The following CASQ1 variants were observed in gnomAD, a reference collection of about 807,000 sequenced individuals.
CASQ1 encodes the protein calsequestrin 1, also known as calsequestrin-1.
A neutral mutation model predicts 49.5 loss-of-function variants in CASQ1; 40 were observed. That is an observed-to-expected ratio of 0.81 (90% CI 0.63 to 1.05). The LOEUF (loss-of-function observed/expected upper bound fraction) is 1.05. Among genes scored for constraint, CASQ1 ranks in the 50% least tolerant of loss-of-function variants. CASQ1 has a pLI of 0.00. For missense variants in CASQ1, 469 were observed against 486.9 expected (o/e 0.96, Z 0.35); for synonymous variants, 174 against 187.2 (o/e 0.93, Z 0.58).
At chr1:160,194,591 A>C (rs1432285110) in intron 3 of CASQ1, among the ~76,000 whole-genome samples, 2 of 143,748 alleles carry the variant, frequency 1.4e-5, no homozygotes, top group Non-Finnish European at 3.0e-5. Flanking sequence ...TGCACACACT[A>C]CACACATGCA....
rs774572165 is a variant in CASQ1 at position 160,197,614 on chromosome 1, G to C, written c.828G>C (p.Trp276Cys). ...KLKPESMYETWEDDMDGIHIV... is the reference protein window; with the variant it reads ...KLKPESMYETCEDDMDGIHIV... ...AGCCGGAGAGTATGTATGAGACCTG[G>C]GTGAGTGCCCCTGGCCAGGGTCAAG... Residue 276 changes from tryptophan (W) to cysteine (C), a missense_variant and splice_region_variant, in exon 7 of 11, where the codon TGG becomes TGC. By Grantham distance (215) the Trp-to-Cys change is radical. Coordinates refer to ENST00000368078, the MANE Select transcript of CASQ1 (RefSeq NM_001231.5). The C allele has an allele frequency of 1.2e-6, 2 of 1,607,850 alleles. No homozygotes were observed. The highest frequency in any genetic ancestry group is 4.5e-5 in the East Asian group (2 of 44,854).
chr1:160,191,059 A>C, intron 1 of CASQ1, 29 bp downstream of exon 1: 1 of 1,607,172 alleles, frequency 6.2e-7, no homozygotes, highest in Non-Finnish European at 8.5e-7. Context: ...AGGCCTGCAG[A>C]GCATGTCTAG....
chr1:160,191,166 C>G (rs1318908654), intron 1 of CASQ1, 136 bp downstream of exon 1: 1 of 871,926 alleles, frequency 1.1e-6, no homozygotes, highest in East Asian at 2.7e-5. Flanking sequence ...TCCTGACCAA[C>G]AGGATGCAAG....
Position 160,199,894 on chromosome 1 carries a change from C to A in CASQ1, c.1028C>A (p.Ala343Asp), listed in dbSNP as rs1457071178. ...WEKTFDIDLS[A>D]PQIGVVNVTD... is the part of the protein sequence containing the mutation. ...AAGACGTTTGACATCGACTTGTCAG[C>A]CCCACAAATAGGAGTCGTCAATGTT... The change falls in exon 10 of 11, where the codon GCC becomes GAC. Residue 343 changes from alanine to aspartate, a missense_variant. Coordinates refer to ENST00000368078, the MANE Select transcript of CASQ1 (RefSeq NM_001231.5). 2 of 1,613,386 alleles carry A rather than the reference C, an allele frequency of 1.2e-6. No homozygotes were observed. The highest frequency in any genetic ancestry group is 4.5e-5 in the East Asian group (2 of 44,896).
rs897872933 is a variant in CASQ1 at position 160,197,573 on chromosome 1, A to G, written c.787A>G (p.Thr263Ala). 13 of 1,610,946 alleles carry G rather than the reference A, an allele frequency of 8.1e-6. No individual in the cohort carries two copies. The African/African-American group carries it at 9.4e-5, about 12-fold the overall frequency. Residue 263 changes from threonine to alanine, a missense_variant, in exon 7 of 11, where the codon ACC becomes GCC. Thr to Ala is a moderately conservative substitution (Grantham distance 58). Transcript: ENST00000368078. ...CACTCTGTCTGTCTCTTCTAGATCAACCCTGAGGAAACTGAAGCCGGAGAG... is the reference window on the plus strand; with the variant it reads ...CACTCTGTCTGTCTCTTCTAGATCAGCCCTGAGGAAACTGAAGCCGGAGAG... Reference protein sequence around the residue: ...VNFVEEHRRSTLRKLKPESMY... With the variant: ...VNFVEEHRRSALRKLKPESMY...
chr1:160,193,808 C>T lies in CASQ1; in HGVS notation c.426C>T (p.Gly142=), dbSNP rs778166976. 8.1e-6 allele frequency: 13 copies of T among 1,612,748 alleles called. No homozygotes were observed. The highest frequency in any genetic ancestry group is 2.2e-5 in the East Asian group (1 of 44,866). Residue 142 remains glycine, a synonymous_variant, in exon 3 of 11, where the codon GGC becomes GGT. Transcript: ENST00000368078. ...FKGDEVIEYD[G]EFSADTIVEF... ...GAGATGAAGTCATTGAGTACGATGG[C>T]GAGTTTTCTGCTGACACCATCGTGG...
chr1:160,195,155 C>A, intron 4 of CASQ1, 32 bp downstream of exon 4: 1 of 1,359,744 alleles, frequency 7.4e-7, no homozygotes, highest in Non-Finnish European at 1.0e-6. Context: ...CTGTGCCCCT[C>A]TCTGGATCCC....
At position 160,190,662 on chromosome 1, in the gene CASQ1, C is replaced by T; in HGVS notation, c.-90C>T. The T allele has an allele frequency of 7.9e-7, 1 of 1,273,254 alleles. No individual in the cohort carries two copies. Among genetic ancestry groups the T allele is most frequent in the Non-Finnish European group, 1.1e-6 (1 of 915,690 alleles). 78.9% of individuals were successfully genotyped at this position (1,273,254 alleles called of 1,614,324 possible). ...CCCAATCCCCCCTCCCACTTGAGCC[C>T]CTAACTCAGAATCTGGGACCCAGGG... On this transcript the variant is annotated 5_prime_UTR_variant, in exon 1 of 11. Coordinates refer to ENST00000368078, the MANE Select transcript of CASQ1 (RefSeq NM_001231.5).
In CASQ1 at chr1:160,196,272, T is replaced by C. The variant is rs192163995; in HGVS notation, c.782+245T>C. ...TAAGTGTGTATAATTCAGTGTGAGG[T>C]TGATTGAGACTTAAATAATCTCTGT... is the stretch of plus-strand genomic sequence containing the variant. On this transcript the variant is annotated intron_variant, in intron 6 of 10. Coordinates refer to ENST00000368078, the MANE Select transcript of CASQ1 (RefSeq NM_001231.5). 3.8e-4 allele frequency among the ~76,000 whole-genome samples: 57 copies of C among 151,552 alleles called. No homozygotes were observed. In the South Asian group the frequency reaches 9.7e-3, roughly 26 times the overall value.
Position 160,192,785 on chromosome 1 carries a change from A to G in CASQ1, c.280-17A>G. ...AAAATTCCAGGGGCTAATTTTAATC[A>G]TAATCCTTCCCTCCAGTTAGCAGCC... is the stretch of plus-strand genomic sequence containing the variant. On this transcript the variant is annotated splice_polypyrimidine_tract_variant and intron_variant, in intron 1 of 10. Transcript: ENST00000368078. 1 of 1,611,776 alleles carries G rather than the reference A, an allele frequency of 6.2e-7. No individual in the cohort carries two copies.
intron 5 of CASQ1, among the ~76,000 whole-genome samples, 162 bp from the exon 6 acceptor site, chr1:160,195,735 C>A (rs142556486): frequency 8.9e-5 from 13 of 145,734 alleles, no homozygotes; most frequent in African/African-American, 3.3e-4. Flanking sequence ...TCATGTTAAA[C>A]CCAACCCCAG....
chr1:160,195,607 C>T (rs1451731256), intron 5 of CASQ1, 73 bp downstream of exon 5: 22 of 1,400,500 alleles, frequency 1.6e-5, no homozygotes, highest in South Asian at 2.3e-5. Context: ...CTCCCAGAAT[C>T]GATGGCTGAC....
At chr1:160,200,129 C>T (rs999808492) in intron 10 of CASQ1, among the ~76,000 whole-genome samples, 2 of 152,182 alleles carry the variant, frequency 1.3e-5, no homozygotes, top group Admixed American at 6.5e-5. Flanking sequence ...CCTTCAAGGC[C>T]CAGTTCAAAT....
chr1:160,194,621 A>G (rs1654174482), intron 3 of CASQ1, among the ~76,000 whole-genome samples: 1 of 109,118 alleles, frequency 9.2e-6, no homozygotes, highest in Non-Finnish European at 2.1e-5. Context: ...TGCACACTCC[A>G]CACGTACACA....
In CASQ1 at chr1:160,199,317, A is replaced by G. The variant is rs576801304; in HGVS notation, c.984+264A>G. ...TAGGGCTGACTCCTAAAGAAAACCA[A>G]TGTTGTGAGGCACAATAGTCCTGCA... On this transcript the variant is annotated intron_variant, in intron 9 of 10. Transcript: ENST00000368078. Among the ~76,000 whole-genome samples the G allele has an allele frequency of 5.3e-5, 8 of 152,284 alleles. No homozygotes were observed. In the East Asian group the frequency reaches 1.4e-3, roughly 26 times the overall value.
chr1:160,197,651 G>C (rs753835071), intron 7 of CASQ1, 37 bp downstream of exon 7: 1 of 1,452,514 alleles, frequency 6.9e-7, no homozygotes, highest in East Asian at 2.3e-5. Flanking sequence ...CCTCAGGGAA[G>C]CATGGGTGCC....
At chr1:160,195,344 A>G (rs946826906) in intron 4 of CASQ1, 117 bp from the exon 5 acceptor site, 2 of 959,358 alleles carry the variant, frequency 2.1e-6, no homozygotes, top group African/African-American at 1.6e-5. Context: ...TCGAAGAACT[A>G]GAAGGGGTGG....
intron 1 of CASQ1, 47 bp downstream of exon 1, chr1:160,191,077 C>A (rs1442930018): frequency 6.3e-7 from 1 of 1,590,188 alleles, no homozygotes; most frequent in South Asian, 1.1e-5. Context: ...TAGCCCCTCT[C>A]CGGAATCCCC....
In CASQ1 at chr1:160,198,979, A is replaced by C; in HGVS notation, c.910A>C (p.Lys304Gln). The C allele has an allele frequency of 6.2e-7, 1 of 1,612,700 alleles. No individual in the cohort carries two copies. Among genetic ancestry groups the C allele is most frequent in the Non-Finnish European group, 8.5e-7 (1 of 1,178,700 alleles). ...TGGTTTCGAGTTCTTAGAGACTCTC[A>C]AGGCTGTGGCCCAAGATAACACTGA... Reference protein sequence around the residue: ...PDGFEFLETLKAVAQDNTENP... With the variant: ...PDGFEFLETLQAVAQDNTENP... The change falls in exon 9 of 11, where the codon AAG becomes CAG. Residue 304 changes from lysine to glutamine, a missense_variant. Lys to Gln is a moderately conservative substitution (Grantham distance 53, BLOSUM62 1). Coordinates refer to ENST00000368078, the MANE Select transcript of CASQ1 (RefSeq NM_001231.5).
Sources: gnomAD v4.1 joint callset for allele counts (sites outside exome capture counted in the v4.1 genomes callset) on GRCh38, gnomAD v4.1.1 for gene constraint, MANE v1.5 for transcripts, NCBI Gene and HGNC (gene_info 2026-07-23, HGNC 2026-07-21) for gene names.